Variants in DGCR2 observed in about 807,000 individuals in gnomAD.
DGCR2 encodes the protein DiGeorge syndrome critical region gene 2.
DGCR2 carries 24 observed loss-of-function variants against 51.6 expected under a neutral mutation model. The ratio of observed to expected loss-of-function variants is 0.47; its 90% CI spans 0.34 to 0.65. The LOEUF (loss-of-function observed/expected upper bound fraction) is 0.65, where lower values mean the gene tolerates loss of function less well. Ranked by LOEUF, DGCR2 falls within the 30% of genes least tolerant of loss-of-function variation. The probability of loss-of-function intolerance (pLI) is 0.01; values close to 1 mark genes in which losing one functional copy is unlikely to be tolerated. For synonymous variants in DGCR2, 340 were observed against 315.4 expected (o/e 1.08, Z -0.82); for missense variants, 765 against 772.1 (o/e 0.99, Z 0.11).
At chr22:19,108,185 G>A (rs987960592) in intron 1 of DGCR2, among the ~76,000 whole-genome samples, 2 of 152,036 alleles carry the variant, frequency 1.3e-5, no homozygotes, top group Admixed American at 1.3e-4. Flanking sequence ...GGATTTATTA[G>A]ACAAAAACAG....
intron 2 of DGCR2, among the ~76,000 whole-genome samples, chr22:19,068,676 C>A (rs562509936): frequency 6.6e-6 from 1 of 152,330 alleles, no homozygotes; most frequent in South Asian, 2.1e-4. Flanking sequence ...CTCTGCAGCC[C>A]TTGTCCTGGG....
chr22:19,062,775 G>GCTCTCT lies in DGCR2; in HGVS notation c.625+426_625+427insAGAGAG, dbSNP rs1491258740. On this transcript the variant is annotated intron_variant, in intron 5 of 9. Transcript: ENST00000263196. ...TCTTTGCGCACACACACACATGCATGCTCACTCTCTCTCTCTCTCTCTCTC... is the reference window on the plus strand; with the variant it reads ...TCTTTGCGCACACACACACATGCATGCTCTCTCTCACTCTCTCTCTCTCTCTCTCTC... Among the ~76,000 whole-genome samples, 46 of 108,948 alleles carry GCTCTCT rather than the reference G, an allele frequency of 4.2e-4. 1 individual carries two copies. Among genetic ancestry groups the GCTCTCT allele is most frequent in the Non-Finnish European group, 6.8e-4 (35 of 51,508 alleles). The allele number at this position is 108,948 out of a possible 152,430, so 71.5% of individuals were successfully genotyped here.
At chr22:19,100,890 A>G (rs1376383467) in intron 1 of DGCR2, among the ~76,000 whole-genome samples, 6 of 152,108 alleles carry the variant, frequency 3.9e-5, no homozygotes, top group African/African-American at 1.4e-4. Flanking sequence ...GGAACACTTG[A>G]GGTCAGGAGT....
intron 1 of DGCR2, among the ~76,000 whole-genome samples, chr22:19,115,220 C>T (rs1207342890): frequency 6.6e-6 from 1 of 152,250 alleles, no homozygotes; most frequent in Non-Finnish European, 1.5e-5. Flanking sequence ...CAGTCCAGTT[C>T]TCAAAGCCAG....
At chr22:19,064,796 G>A in intron 4 of DGCR2, 52 bp downstream of exon 4, 1 of 1,549,962 alleles carries the variant, frequency 6.5e-7, no homozygotes, top group Non-Finnish European at 8.9e-7. Flanking sequence ...CATGTGCTCA[G>A]TAGTCATCAG....
At chr22:19,084,246 C>T (rs1296767766) in intron 2 of DGCR2, among the ~76,000 whole-genome samples, 3 of 151,904 alleles carry the variant, frequency 2.0e-5, no homozygotes, top group Admixed American at 1.3e-4. Flanking sequence ...AGCGCCTCTT[C>T]CCTGTCGCCA....
intron 6 of DGCR2, among the ~76,000 whole-genome samples, chr22:19,055,063 C>T (rs375865798): frequency 2.0e-5 from 3 of 152,146 alleles, no homozygotes; most frequent in African/African-American, 7.2e-5. Context: ...TTACAGTGAG[C>T]TGAAATCACG....
intron 2 of DGCR2, among the ~76,000 whole-genome samples, chr22:19,084,925 GGT>G (rs1448106610): frequency 2.6e-5 from 4 of 152,162 alleles, no homozygotes; most frequent in African/African-American, 9.7e-5. Flanking sequence ...CCATCTGGGA[GGT>G]GTACCCAACA....
chr22:19,057,190 G>C lies in DGCR2; in HGVS notation c.626-28C>G. Reference sequence around the variant, plus strand: ...GTTGGGGAGACAAAAGGTGGGGCTGGACAACATCACATCAGAGGACAAGCT... The same window carrying C: ...GTTGGGGAGACAAAAGGTGGGGCTGCACAACATCACATCAGAGGACAAGCT... On this transcript the variant is annotated intron_variant, in intron 5 of 9. Coordinates refer to ENST00000263196, the MANE Select transcript of DGCR2 (RefSeq NM_005137.3). This position sits in a 1 kb window ranked among gnomAD's most constrained non-coding sequence, Gnocchi z 5.1. The C allele has an allele frequency of 1.3e-6, 2 of 1,571,642 alleles. No homozygotes were observed. Among genetic ancestry groups the C allele is most frequent in the Non-Finnish European group, 1.7e-6 (2 of 1,158,092 alleles).
chr22:19,106,410 C>T (rs749241347), intron 1 of DGCR2, among the ~76,000 whole-genome samples: 4 of 152,130 alleles, frequency 2.6e-5, no homozygotes, highest in African/African-American at 4.8e-5. Context: ...CCTGCCACTG[C>T]GTCTCAGCAG....
rs1241148507 is a variant in DGCR2, at chr22:19,064,899, G to A, written c.497C>T (p.Ala166Val). 1.9e-6 allele frequency: 3 copies of A among 1,613,874 alleles called. No homozygotes were observed. Among genetic ancestry groups the A allele is most frequent in the Non-Finnish European group, 2.5e-6 (3 of 1,180,040 alleles). The change falls in exon 4 of 10, where the codon GCC becomes GTC. Residue 166 changes from alanine to valine, a missense_variant. Ala to Val is a moderately conservative substitution (Grantham distance 64). Around this residue, in one of 3 missense-constraint regions of DGCR2, gnomAD observed 370 missense variants for 325.5 expected, o/e 1.14. Transcript: ENST00000263196. ...STDQELRFVL[A>V]QEWDQPERSF... ...CCGCTCGGGCTGGTCCCATTCCTGG[G>A]CCAGGACAAAGCGCAGCTCCTGGTC...
chr22:19,087,270 T>C (rs1349563568), intron 2 of DGCR2, among the ~76,000 whole-genome samples: 3 of 152,156 alleles, frequency 2.0e-5, no homozygotes, highest in South Asian at 4.1e-4. Context: ...CAGAGGCTCC[T>C]GACCGGGCCA....
chr22:19,065,119 G>A (rs2082733994), intron 3 of DGCR2, 52 bp from the exon 4 acceptor site: 3 of 1,515,342 alleles, frequency 2.0e-6, no homozygotes, highest in Non-Finnish European at 2.7e-6. Context: ...GCTCCAAAAT[G>A]GAAATTATAT....
chr22:19,116,722 A>G (rs1276839593), intron 1 of DGCR2, among the ~76,000 whole-genome samples: 1 of 152,218 alleles, frequency 6.6e-6, no homozygotes, highest in Non-Finnish European at 1.5e-5. Flanking sequence ...CTTAGAGTCA[A>G]GAAACTACTA....
chr22:19,118,444 C>T (rs1328018980), intron 1 of DGCR2, among the ~76,000 whole-genome samples: 3 of 151,762 alleles, frequency 2.0e-5, no homozygotes, highest in Admixed American at 6.6e-5. Context: ...CTTCTCAGCT[C>T]CCTGAGATGT....
chr22:19,107,782 G>C (rs766681391), intron 1 of DGCR2, among the ~76,000 whole-genome samples: 1 of 152,204 alleles, frequency 6.6e-6, no homozygotes, highest in Non-Finnish European at 1.5e-5. Flanking sequence ...ACCAGGGCAG[G>C]AGGGTGGGAC....
intron 6 of DGCR2, among the ~76,000 whole-genome samples, chr22:19,054,059 G>A (rs757345824): frequency 4.4e-4 from 67 of 152,064 alleles, no homozygotes; most frequent in Admixed American, 1.0e-3. Context: ...GCATGATTCT[G>A]GACAATGAAA....
At chr22:19,051,160 G>A (rs2082543728) in intron 6 of DGCR2, among the ~76,000 whole-genome samples, 2 of 127,612 alleles carry the variant, frequency 1.6e-5, no homozygotes, top group Admixed American at 9.9e-5. Context: ...CTTCACTCCA[G>A]CCTGGGCAAC....
At chr22:19,109,186 G>A (rs903924146) in intron 1 of DGCR2, among the ~76,000 whole-genome samples, 5 of 152,166 alleles carry the variant, frequency 3.3e-5, no homozygotes, top group Admixed American at 1.3e-4. Flanking sequence ...CATGTACATC[G>A]TTGGTAGGAA....
Sources: allele counts gnomAD v4.1 joint callset (sites outside exome capture counted in the v4.1 genomes callset), GRCh38; gene constraint gnomAD v4.1.1; regional missense constraint gnomAD v4.1.1; non-coding constraint Gnocchi (gnomAD v3.1); transcripts MANE v1.5; gene names NCBI Gene and HGNC (gene_info 2026-07-23, HGNC 2026-07-21).